Variants in DYNC1I1 observed in about 807,000 individuals in gnomAD.
DYNC1I1 encodes cytoplasmic dynein 1 intermediate chain 1.
In DYNC1I1, 43 loss-of-function variants were observed where a neutral mutation model predicts 86.6. That is an observed-to-expected ratio of 0.50 (90% CI 0.39 to 0.64). DYNC1I1 has a LOEUF of 0.64. DYNC1I1 is among the 30% of genes least tolerant of loss of function. The pLI is 0.00. For missense variants in DYNC1I1, 604 were observed against 788.8 expected, an observed-to-expected ratio of 0.77 and a Z score of 2.81; for synonymous variants, 262 against 283.7, an observed-to-expected ratio of 0.92 and a Z score of 0.77.
At chr7:96,062,501 T>C (rs1436672892) in intron 14 of DYNC1I1, among the ~76,000 whole-genome samples, 1 of 152,144 alleles carries the variant, frequency 6.6e-6, no homozygotes, top group Non-Finnish European at 1.5e-5. Flanking sequence ...TAGATATTTG[T>C]TACTGTAGCA....
At chr7:95,974,461 C>T (rs180939653) in intron 6 of DYNC1I1, among the ~76,000 whole-genome samples, 2 of 152,240 alleles carry the variant, frequency 1.3e-5, no homozygotes, top group African/African-American at 2.4e-5. Flanking sequence ...CTTACAACAA[C>T]GTGTTTTAAG....
intron 15 of DYNC1I1, among the ~76,000 whole-genome samples, chr7:96,078,542 A>G (rs1790413621): frequency 6.6e-6 from 1 of 152,116 alleles, no homozygotes; most frequent in Admixed American, 6.5e-5. Flanking sequence ...AATGTTTAAA[A>G]TATTGTTTCA....
At chr7:95,893,336 A>AT in intron 6 of DYNC1I1, among the ~76,000 whole-genome samples, 1 of 152,268 alleles carries the variant, frequency 6.6e-6, no homozygotes, top group African/African-American at 2.4e-5. Flanking sequence ...GTGTTTCTTC[A>AT]TTTTTTCCCT....
chr7:95,813,497 A>G (rs890726619), intron 4 of DYNC1I1, among the ~76,000 whole-genome samples, 160 bp downstream of exon 4: 1 of 152,128 alleles, frequency 6.6e-6, no homozygotes, highest in Non-Finnish European at 1.5e-5. Context: ...TTTTTAGTGG[A>G]ATAGCAATGA....
At chr7:95,801,048 A>G (rs1158560488) in intron 1 of DYNC1I1, among the ~76,000 whole-genome samples, 1 of 152,226 alleles carries the variant, frequency 6.6e-6, no homozygotes, top group Non-Finnish European at 1.5e-5. Flanking sequence ...TATAATGTAT[A>G]CTTTCCAAAC....
At chr7:95,903,875 G>A (rs139190074) in intron 6 of DYNC1I1, among the ~76,000 whole-genome samples, 20 of 152,252 alleles carry the variant, frequency 1.3e-4, no homozygotes, top group African/African-American at 4.8e-4. Flanking sequence ...CATTGGTAGG[G>A]TGTACTTAGT....
intron 6 of DYNC1I1, among the ~76,000 whole-genome samples, chr7:95,891,953 A>G (rs1790751129): frequency 8.3e-6 from 1 of 120,770 alleles, no homozygotes; most frequent in South Asian, 3.0e-4. Flanking sequence ...AGTTCTGGTA[A>G]ATTTTGTTTT....
At chr7:95,832,133 A>C (rs1584260930) in intron 5 of DYNC1I1, among the ~76,000 whole-genome samples, 1 of 73,590 alleles carries the variant, frequency 1.4e-5, no homozygotes, top group African/African-American at 5.9e-5. Flanking sequence ...CCCACCCCAC[A>C]ACAGTCCCCA....
At chr7:95,915,482 A>AT (rs968705610) in intron 6 of DYNC1I1, among the ~76,000 whole-genome samples, 34 of 152,290 alleles carry the variant, frequency 2.2e-4, no homozygotes, top group Non-Finnish European at 2.8e-4. Flanking sequence ...AGGTAAAGCT[A>AT]TTTTTTTAAA....
chr7:95,923,325 T>C (rs1791659823), intron 6 of DYNC1I1, among the ~76,000 whole-genome samples: 4 of 152,104 alleles, frequency 2.6e-5, no homozygotes, highest in Non-Finnish European at 4.4e-5. Context: ...TAGGACATAG[T>C]TAATAAAGCA....
chr7:95,834,873 T>C (rs955121183), intron 5 of DYNC1I1, among the ~76,000 whole-genome samples: 8 of 151,804 alleles, frequency 5.3e-5, no homozygotes, highest in African/African-American at 1.9e-4. Context: ...TTTTTCTTTA[T>C]TAGTCTTGCT....
At chr7:96,000,188 C>A (rs1216432027) in intron 10 of DYNC1I1, among the ~76,000 whole-genome samples, 1 of 152,158 alleles carries the variant, frequency 6.6e-6, no homozygotes, top group African/African-American at 2.4e-5. Flanking sequence ...ATTACTGCTT[C>A]ATATTTAGTA....
chr7:96,058,426 T>C (rs1253033951), intron 14 of DYNC1I1, among the ~76,000 whole-genome samples: 1 of 152,226 alleles, frequency 6.6e-6, no homozygotes. Flanking sequence ...TGCCTGAAGT[T>C]AGTTTCATGT....
At chr7:95,884,606 C>T (rs1352333158) in intron 6 of DYNC1I1, among the ~76,000 whole-genome samples, 1 of 151,898 alleles carries the variant, frequency 6.6e-6, no homozygotes, top group Admixed American at 6.6e-5. Context: ...GAACTACAGG[C>T]ATGAACAATG....
At chr7:95,959,571 G>A (rs1240041934) in intron 6 of DYNC1I1, among the ~76,000 whole-genome samples, 1 of 152,148 alleles carries the variant, frequency 6.6e-6, no homozygotes, top group Non-Finnish European at 1.5e-5. Flanking sequence ...CCCAAAGTTA[G>A]GATCCAGGAA....
chr7:95,775,532 GGTTTGCTCT>G, intron 1 of DYNC1I1, among the ~76,000 whole-genome samples: 1 of 152,142 alleles, frequency 6.6e-6, no homozygotes, highest in African/African-American at 2.4e-5. Context: ...GTATCTTTCA[GGTTTGCTCT>G]CCAATTTCAG....
At chr7:95,892,208 C>A (rs1376909553) in intron 6 of DYNC1I1, among the ~76,000 whole-genome samples, 1 of 151,770 alleles carries the variant, frequency 6.6e-6, no homozygotes, top group Non-Finnish European at 1.5e-5. Context: ...ATGATCTCAG[C>A]CCACTGCAAC....
chr7:96,050,836 CT>C (rs1789384291), intron 14 of DYNC1I1, among the ~76,000 whole-genome samples: 3 of 152,144 alleles, frequency 2.0e-5, no homozygotes, highest in Middle Eastern at 6.8e-3. Flanking sequence ...AATGAGGCTG[CT>C]TTTAGAGGAT....
At chr7:95,968,187 GA>G (rs779367696) in intron 6 of DYNC1I1, among the ~76,000 whole-genome samples, 153 of 137,358 alleles carry the variant, frequency 1.1e-3, no homozygotes, top group Admixed American at 3.3e-3. Flanking sequence ...GGCCTTAACC[GA>G]AAAAAAAAAA....
Sources: allele counts gnomAD v4.1 joint callset (sites outside exome capture counted in the v4.1 genomes callset), GRCh38; gene constraint gnomAD v4.1.1; transcripts MANE v1.5; gene names NCBI Gene and HGNC (gene_info 2026-07-23, HGNC 2026-07-21).